Variants in FGF14 observed in about 807,000 individuals in gnomAD.
The protein encoded by FGF14 is fibroblast growth factor 14.
In FGF14, 5 loss-of-function variants were observed where a neutral mutation model predicts 25.5. The observed-to-expected ratio is 0.20, with a 90% CI of 0.10 to 0.41. FGF14 has a LOEUF of 0.41. Ranked by LOEUF, FGF14 falls within the 10% of genes least tolerant of loss-of-function variation. The probability of loss-of-function intolerance (pLI) is 1.00; values close to 1 mark genes in which losing one functional copy is unlikely to be tolerated. For missense variants in FGF14, 222 were observed against 320.1 expected (o/e 0.69, Z 2.34); for synonymous variants, 138 against 118.3 (o/e 1.17, Z -1.08).
intron 1 of FGF14, among the ~76,000 whole-genome samples, chr13:102,253,732 C>T (rs2052313275): frequency 6.6e-6 from 1 of 151,982 alleles, no homozygotes; most frequent in African/African-American, 2.4e-5. Context: ...TTTTTTTCCC[C>T]CACATATTTT....
chr13:102,329,481 A>G (rs1566941081), intron 1 of FGF14, among the ~76,000 whole-genome samples: 1 of 152,020 alleles, frequency 6.6e-6, no homozygotes, highest in Non-Finnish European at 1.5e-5. Flanking sequence ...AAACCCATCA[A>G]CCACTTGCTC....
intron 1 of FGF14, among the ~76,000 whole-genome samples, chr13:101,913,884 A>T (rs2033206237): frequency 6.6e-6 from 1 of 151,912 alleles, no homozygotes; most frequent in South Asian, 2.1e-4. Flanking sequence ...TTTCTTATTA[A>T]TTTGTTCCTT....
At chr13:101,996,067 ATATGTT>A (rs1303654635) in intron 1 of FGF14, among the ~76,000 whole-genome samples, 1 of 152,192 alleles carries the variant, frequency 6.6e-6, no homozygotes, top group Non-Finnish European at 1.5e-5. Flanking sequence ...ATTCTCCATG[ATATGTT>A]TATTTCACAT....
intron 1 of FGF14, among the ~76,000 whole-genome samples, chr13:102,143,483 T>C (rs2046731308): frequency 6.6e-6 from 1 of 152,176 alleles, no homozygotes; most frequent in Non-Finnish European, 1.5e-5. Flanking sequence ...GGTGAACATT[T>C]TGAAACTAAT....
intron 1 of FGF14, among the ~76,000 whole-genome samples, chr13:102,335,502 T>C (rs1242003953): frequency 6.6e-6 from 1 of 151,578 alleles, no homozygotes; most frequent in Non-Finnish European, 1.5e-5. Flanking sequence ...CACCAAGAAA[T>C]AAAATATAGT....
At chr13:101,795,855 C>G (rs2040489716) in intron 3 of FGF14, among the ~76,000 whole-genome samples, 1 of 152,094 alleles carries the variant, frequency 6.6e-6, no homozygotes, top group African/African-American at 2.4e-5. Flanking sequence ...TTGCTACATG[C>G]AGAAATCATT....
At chr13:101,987,836 A>G (rs2038676577) in intron 1 of FGF14, among the ~76,000 whole-genome samples, 1 of 152,072 alleles carries the variant, frequency 6.6e-6, no homozygotes, top group African/African-American at 2.4e-5. Context: ...TCATTGATCA[A>G]TGATCATCTC....
intron 1 of FGF14, among the ~76,000 whole-genome samples, chr13:102,023,112 A>G (rs1028229460): frequency 6.6e-6 from 1 of 151,644 alleles, no homozygotes; most frequent in African/African-American, 2.4e-5. Flanking sequence ...GTAACATATC[A>G]CCATTGCTAG....
At chr13:102,059,594 T>C (rs1424162001) in intron 1 of FGF14, among the ~76,000 whole-genome samples, 1 of 152,172 alleles carries the variant, frequency 6.6e-6, no homozygotes, top group African/African-American at 2.4e-5. Context: ...CTCACGCCTG[T>C]AATCCCAGCA....
At chr13:102,299,281 T>A (rs765374131) in intron 1 of FGF14, among the ~76,000 whole-genome samples, 1 of 147,736 alleles carries the variant, frequency 6.8e-6, no homozygotes, top group East Asian at 2.3e-4. Flanking sequence ...TTTGGAGAAG[T>A]GATTTTTTTA....
intron 3 of FGF14, among the ~76,000 whole-genome samples, chr13:101,744,088 T>G (rs1279020085): frequency 6.6e-6 from 1 of 152,176 alleles, no homozygotes; most frequent in African/African-American, 2.4e-5. Flanking sequence ...GGCTGAGGAT[T>G]AATTCAGTAA....
chr13:101,943,061 C>G (rs2035554581), intron 1 of FGF14, among the ~76,000 whole-genome samples: 1 of 152,152 alleles, frequency 6.6e-6, no homozygotes, highest in Admixed American at 6.5e-5. Flanking sequence ...TTGTGTCAAG[C>G]AAGTATTAGT....
At chr13:102,357,566 T>C (rs2057454080) in intron 1 of FGF14, among the ~76,000 whole-genome samples, 1 of 152,224 alleles carries the variant, frequency 6.6e-6, no homozygotes. Flanking sequence ...CCTGAATCCA[T>C]CAGCTATTAG....
chr13:101,803,360 G>T (rs2041009168), intron 3 of FGF14, among the ~76,000 whole-genome samples: 1 of 151,962 alleles, frequency 6.6e-6, no homozygotes. Context: ...GAACTCCCAG[G>T]TTCAAGCAAT....
chr13:102,355,372 T>C (rs2057392900), intron 1 of FGF14, among the ~76,000 whole-genome samples: 1 of 152,022 alleles, frequency 6.6e-6, no homozygotes, highest in African/African-American at 2.4e-5. Context: ...TATAGTTGGT[T>C]GGATGCTGGT....
rs1050153915 is a variant in FGF14, at chr13:101,719,490, C to G, written c.*3341G>C. 1 of 152,080 alleles carries G rather than the reference C, an allele frequency of 6.6e-6. No homozygotes were observed. The highest frequency in any genetic ancestry group is 1.5e-5 in the Non-Finnish European group (1 of 68,002). The allele number at this position is 152,080 out of a possible 1,614,324, so 9.4% of individuals were successfully genotyped here. A position where few individuals can be genotyped will look rare whatever the true frequency, so the allele number is the denominator to read the frequency against. On this transcript the variant is annotated 3_prime_UTR_variant, in exon 5 of 5. Coordinates refer to ENST00000376143, the MANE Select transcript of FGF14 (RefSeq NM_004115.4). Reference sequence around the variant, plus strand: ...AAATGATGTTCAGTTCCATTTTGCTCTTTACATAGGGTGGAGAATTGTCAT... The same window carrying G: ...AAATGATGTTCAGTTCCATTTTGCTGTTTACATAGGGTGGAGAATTGTCAT...
upstream of FGF14, among the ~76,000 whole-genome samples, chr13:101,921,231 C>T (rs1247455547): frequency 6.6e-6 from 1 of 152,116 alleles, no homozygotes; most frequent in Admixed American, 6.5e-5. Context: ...TGCCACCTAC[C>T]CCTAATTAAC....
intron 3 of FGF14, among the ~76,000 whole-genome samples, chr13:101,774,529 G>A (rs2038977245): frequency 6.6e-6 from 1 of 152,096 alleles, no homozygotes; most frequent in African/African-American, 2.4e-5. Flanking sequence ...AATGAAGGTA[G>A]TCTTGCTGGT....
chr13:101,881,397 C>T (rs78935914), intron 1 of FGF14, among the ~76,000 whole-genome samples: 5 of 152,156 alleles, frequency 3.3e-5, no homozygotes, highest in Non-Finnish European at 7.4e-5. Flanking sequence ...ATCTATTGTC[C>T]CACCTTATTT....
Sources: allele counts gnomAD v4.1 joint callset (sites outside exome capture counted in the v4.1 genomes callset), GRCh38; gene constraint gnomAD v4.1.1; transcripts MANE v1.5; gene names NCBI Gene and HGNC (gene_info 2026-07-23, HGNC 2026-07-21).